The following UACA variants were observed in gnomAD, a reference collection of about 807,000 sequenced individuals.
The protein encoded by UACA is nuclear membrane binding protein.
Under a neutral mutation model 160.5 loss-of-function variants are expected in UACA, and 112 were observed. The ratio of observed to expected loss-of-function variants is 0.70; its 90% CI spans 0.60 to 0.82. The LOEUF is 0.82. Among genes scored for constraint, UACA ranks in the 40% least tolerant of loss-of-function variants. The probability of loss-of-function intolerance (pLI) is 0.00; values close to 1 mark genes in which losing one functional copy is unlikely to be tolerated. For synonymous variants in UACA, 557 were observed against 568.4 expected (o/e 0.98, Z 0.29); for missense variants, 1,574 against 1,614.6 (o/e 0.97, Z 0.43).
intron 1 of UACA, among the ~76,000 whole-genome samples, chr15:70,740,233 T>A (rs1430536321): frequency 5.3e-5 from 8 of 152,158 alleles, no homozygotes; most frequent in African/African-American, 1.9e-4. Flanking sequence ...TTTGTGAATA[T>A]TATAAACCAA....
intron 1 of UACA, chr15:70,703,158 C>T (rs1402078078): frequency 1.6e-5 from 20 of 1,289,016 alleles, no homozygotes; most frequent in Non-Finnish European, 1.8e-5. Context: ...GGTGCAAATT[C>T]AGGGTGGTTT....
intron 1 of UACA, among the ~76,000 whole-genome samples, chr15:70,755,331 C>T (rs16954807): frequency 0.19 from 28,123 of 151,540 alleles, 4,048 homozygotes; most frequent in African/African-American, 0.4. Flanking sequence ...GAACAGTGAT[C>T]TAAACTTGTC....
Position 70,736,779 on chromosome 15 carries a change from TATGGAACTTA to T in UACA, c.78+26541_78+26550del, listed in dbSNP as rs1899380901. Reference sequence around the variant, plus strand: ...ATAATATTTTCTGTATTTGAGAAATTATGGAACTTAAAGTTCAACAAATTTATCATTTTAA... The same window carrying T: ...ATAATATTTTCTGTATTTGAGAAATTAAGTTCAACAAATTTATCATTTTAA... On this transcript the variant is annotated intron_variant, in intron 1 of 18. Transcript: ENST00000322954. Among the ~76,000 whole-genome samples the T allele has an allele frequency of 5.3e-5, 8 of 152,308 alleles. No individual in the cohort carries two copies. The South Asian group carries it at 1.7e-3, about 32-fold the overall frequency.
chr15:70,762,540 C>A (rs1001938888), intron 1 of UACA, among the ~76,000 whole-genome samples: 1 of 152,216 alleles, frequency 6.6e-6, no homozygotes, highest in African/African-American at 2.4e-5. Context: ...TTTCTGTTCT[C>A]CTGCCAACTA....
intron 3 of UACA, among the ~76,000 whole-genome samples, chr15:70,692,258 C>T (rs1379481988): frequency 6.6e-6 from 1 of 152,136 alleles, no homozygotes; most frequent in East Asian, 1.9e-4. Flanking sequence ...AATGCCTGGG[C>T]TCAAGCGATC....
At chr15:70,701,919 C>A in intron 1 of UACA, 1 of 1,613,320 alleles carries the variant, frequency 6.2e-7, no homozygotes, top group Non-Finnish European at 8.5e-7. Context: ...TCATCATAGA[C>A]AGGATTTAGT....
the UACA span, among the ~76,000 whole-genome samples, chr15:70,772,109 C>T: frequency 2.8e-3 from 423 of 152,224 alleles, 4 homozygotes; most frequent in African/African-American, 1.0e-2. Context: ...AAGCAGGAAG[C>T]CATGAGCAGG....
intron 14 of UACA, chr15:70,671,303 GT>G (rs1037254955): frequency 6.4e-3 from 1,840 of 289,478 alleles, no homozygotes; most frequent in Middle Eastern, 0.018. Context: ...TACTAGGTTG[GT>G]TTTTTTTTTT....
At chr15:70,776,326 T>C in the UACA span, among the ~76,000 whole-genome samples, 2 of 152,202 alleles carry the variant, frequency 1.3e-5, no homozygotes, top group African/African-American at 4.8e-5. Flanking sequence ...CCAGGCACTG[T>C]TTAGAATCTT....
the UACA span, among the ~76,000 whole-genome samples, chr15:70,778,143 G>A: frequency 1.3e-5 from 2 of 151,900 alleles, no homozygotes; most frequent in African/African-American, 2.4e-5. Context: ...CAAGGCTGCA[G>A]TGAGCTGTGA....
At chr15:70,752,240 A>C (rs1446741198) in intron 1 of UACA, among the ~76,000 whole-genome samples, 1 of 98,080 alleles carries the variant, frequency 1.0e-5, no homozygotes, top group South Asian at 3.0e-4. Context: ...ACTCCATCAA[A>C]AAAAAAAAAA....
At chr15:70,665,580 C>T (rs569460425) in intron 16 of UACA, among the ~76,000 whole-genome samples, 1 of 152,022 alleles carries the variant, frequency 6.6e-6, no homozygotes, top group East Asian at 1.9e-4. Context: ...ATCTCCTCCC[C>T]CACAAAATTT....
At chr15:70,748,282 A>G (rs1247396362) in intron 1 of UACA, among the ~76,000 whole-genome samples, 1 of 152,230 alleles carries the variant, frequency 6.6e-6, no homozygotes, top group African/African-American at 2.4e-5. Context: ...ACTTAGCAGC[A>G]GAATACAGAA....
At chr15:70,747,309 T>C (rs1039710741) in intron 1 of UACA, among the ~76,000 whole-genome samples, 4 of 149,920 alleles carry the variant, frequency 2.7e-5, no homozygotes, top group Non-Finnish European at 4.4e-5. Flanking sequence ...AGTGGCGTTA[T>C]CTTGGCTCAC....
intron 1 of UACA, among the ~76,000 whole-genome samples, chr15:70,755,677 A>T (rs546145002): frequency 3.0e-5 from 3 of 99,108 alleles, no homozygotes; most frequent in Admixed American, 2.6e-4. Context: ...TCTCAAAAAT[A>T]AAAAAAAAAA....
At chr15:70,743,574 G>A (rs1018080572) in intron 1 of UACA, among the ~76,000 whole-genome samples, 7 of 152,078 alleles carry the variant, frequency 4.6e-5, no homozygotes, top group African/African-American at 1.7e-4. Context: ...AACATGTAAA[G>A]CTATTTTTTT....
At chr15:70,662,844 C>CTTATACAAAAATTTGAA (rs1896761726) in intron 17 of UACA, among the ~76,000 whole-genome samples, 1 of 152,108 alleles carries the variant, frequency 6.6e-6, no homozygotes, top group African/African-American at 2.4e-5. Flanking sequence ...TTCCTTACAC[C>CTTATACAAAAATTTGAA]TTATACAAAA....
At chr15:70,691,187 G>C in intron 4 of UACA, 112 bp downstream of exon 4, 1 of 692,344 alleles carries the variant, frequency 1.4e-6, no homozygotes, top group Non-Finnish European at 2.3e-6. Context: ...TAAGCTCATA[G>C]TCAAAGTTAG....
chr15:70,752,652 T>A (rs79558356), intron 1 of UACA, among the ~76,000 whole-genome samples: 4,662 of 152,072 alleles, frequency 0.031, 265 homozygotes, highest in African/African-American at 0.1. Context: ...ATTTTTTTTT[T>A]AAAATGATTT....
Sources: gnomAD v4.1 joint callset for allele counts (sites outside exome capture counted in the v4.1 genomes callset) on GRCh38, gnomAD v4.1.1 for gene constraint, MANE v1.5 for transcripts, NCBI Gene and HGNC (gene_info 2026-07-23, HGNC 2026-07-21) for gene names.